Variants in CDCA7L observed in about 807,000 individuals in gnomAD.
The protein encoded by CDCA7L is cell division cycle-associated 7-like protein.
A neutral mutation model predicts 57.4 loss-of-function variants in CDCA7L; 44 were observed. The observed-to-expected ratio is 0.77, with a 90% CI of 0.60 to 0.98. CDCA7L has a LOEUF of 0.98. Among genes scored for constraint, CDCA7L ranks in the 50% least tolerant of loss-of-function variants. The pLI is 0.00. For missense variants in CDCA7L, 644 were observed against 580.6 expected, an observed-to-expected ratio of 1.11 and a Z score of -1.12; for synonymous variants, 236 against 202.8, an observed-to-expected ratio of 1.16 and a Z score of -1.39.
chr7:21,936,884 A>G (rs1466393943), intron 1 of CDCA7L, among the ~76,000 whole-genome samples: 2 of 152,214 alleles, frequency 1.3e-5, no homozygotes, highest in Admixed American at 6.5e-5. Context: ...TATCTCTGCT[A>G]TAAGAGACGT....
In CDCA7L at chr7:21,902,289, A is replaced by ATGGTGAGGTGGCTGGTTCT; in HGVS notation, c.*14_*32dup. The ATGGTGAGGTGGCTGGTTCT allele has an allele frequency of 6.3e-7, 1 of 1,596,552 alleles. No individual in the cohort carries two copies. Among genetic ancestry groups the ATGGTGAGGTGGCTGGTTCT allele is most frequent in the Non-Finnish European group, 8.6e-7 (1 of 1,163,940 alleles). The stretch of plus-strand genomic sequence containing the variant: ...TATGCATGTCTTGTTGGAGTACTCT[A>ATGGTGAGGTGGCTGGTTCT]TGGTGAGGTGGCTGGTTCTGTTTGT... On this transcript the variant is annotated 3_prime_UTR_variant, in exon 10 of 10. Transcript: ENST00000406877.
chr7:21,906,285 A>G lies in CDCA7L; in HGVS notation c.921+4T>C. The G allele has an allele frequency of 6.3e-7, 1 of 1,585,946 alleles. No homozygotes were observed. Among genetic ancestry groups the G allele is most frequent in the Non-Finnish European group, 8.6e-7 (1 of 1,166,400 alleles). ...AACTAATTCATGTATTAGTCAGAAA[A>G]TACCCCAATTGTCTTCCTTCTTCGG... On this transcript the variant is annotated splice_donor_region_variant and intron_variant, in intron 6 of 9. Coordinates refer to ENST00000406877, the MANE Select transcript of CDCA7L (RefSeq NM_018719.5).
At position 21,908,203 on chromosome 7, in the gene CDCA7L, G is replaced by A. The variant is rs200919907; in HGVS notation, c.608C>T (p.Ser203Phe). Residue 203 changes from serine to phenylalanine, a missense_variant, in exon 4 of 10, where the codon TCT becomes TTT. Coordinates refer to ENST00000406877, the MANE Select transcript of CDCA7L (RefSeq NM_018719.5). The part of the protein sequence containing the change: ...EDSTSESEDD[S>F]RDESQESSDA... Reference sequence around the variant, plus strand: ...TGAACTCTCCTGGCTCTCATCCCGAGAGTCATCCTCAGACTCAGAGGTAGA... The same window carrying A: ...TGAACTCTCCTGGCTCTCATCCCGAAAGTCATCCTCAGACTCAGAGGTAGA... The A allele has an allele frequency of 3.1e-6, 5 of 1,610,520 alleles. No individual in the cohort carries two copies. The highest frequency in any genetic ancestry group is 2.2e-5 in the East Asian group (1 of 44,856).
rs774517612 is a variant in CDCA7L at position 21,943,729 on chromosome 7, GA to G, written c.24+2051del. Among the ~76,000 whole-genome samples, 153 of 138,052 alleles carry G rather than the reference GA, an allele frequency of 1.1e-3. 2 individuals are homozygous for G. Among genetic ancestry groups the G allele is most frequent in the Middle Eastern group, 3.7e-3 (1 of 272 alleles). The allele number at this position is 138,052 out of a possible 152,430, so 90.6% of individuals were successfully genotyped here. A position where few individuals can be genotyped will look rare whatever the true frequency, so the allele number is the denominator to read the frequency against. ...ACTGCCAATTAGGTCTTCAGAAAAGGAAAAAAAAAAAAACCCTGATCATCTT... is the reference window on the plus strand; with the variant it reads ...ACTGCCAATTAGGTCTTCAGAAAAGGAAAAAAAAAAAACCCTGATCATCTT... On this transcript the variant is annotated intron_variant, in intron 1 of 9. Transcript: ENST00000406877.
At chr7:21,936,711 A>G (rs1267073286) in intron 1 of CDCA7L, among the ~76,000 whole-genome samples, 3 of 152,198 alleles carry the variant, frequency 2.0e-5, no homozygotes, top group Non-Finnish European at 4.4e-5. Flanking sequence ...CAAGATACTC[A>G]ATGATGAATG....
intron 1 of CDCA7L, 98 bp downstream of exon 1, chr7:21,945,683 A>G: frequency 6.8e-7 from 1 of 1,479,232 alleles, no homozygotes; most frequent in South Asian, 1.2e-5. Context: ...TGCCGCAGCC[A>G]AGGGCCACGT....
At chr7:21,902,772 A>G (rs1437085082) in intron 9 of CDCA7L, 6 of 549,558 alleles carry the variant, frequency 1.1e-5, no homozygotes, top group African/African-American at 7.5e-5. Context: ...GTTGAGTTGA[A>G]AAATCTAGCA....
intron 8 of CDCA7L, 133 bp downstream of exon 8, chr7:21,903,977 T>A: frequency 2.5e-6 from 2 of 802,354 alleles, no homozygotes; most frequent in Non-Finnish European, 3.6e-6. Flanking sequence ...CCCTGGAGCC[T>A]TAAGATACAA....
At chr7:21,930,504 G>T (rs957610762) in intron 1 of CDCA7L, among the ~76,000 whole-genome samples, 1 of 151,932 alleles carries the variant, frequency 6.6e-6, no homozygotes, top group Non-Finnish European at 1.5e-5. Context: ...AGACCAGCCT[G>T]GCCAAGATAG....
chr7:21,908,345 T>C lies in CDCA7L; in HGVS notation c.466A>G (p.Lys156Glu). The C allele has an allele frequency of 6.2e-7, 1 of 1,610,004 alleles. No individual in the cohort carries two copies. The highest frequency in any genetic ancestry group is 8.5e-7 in the Non-Finnish European group (1 of 1,178,978). The stretch of plus-strand genomic sequence containing the variant: ...TCGGAAGAACTGTTTTTATCTGGTT[T>C]GTTGGCCAGCTTCTTGGTGGGGAAC... ...FQFPTKKLAN[K>E]PDKNSSSEQL... Residue 156 changes from lysine to glutamate, a missense_variant, in exon 4 of 10, where the codon AAA becomes GAA. Physicochemically the swap from Lys to Glu is moderately conservative, Grantham distance 56 (BLOSUM62 1). Transcript: ENST00000406877.
At chr7:21,914,162 G>A (rs762489665) in intron 2 of CDCA7L, among the ~76,000 whole-genome samples, 2 of 152,296 alleles carry the variant, frequency 1.3e-5, no homozygotes, top group Non-Finnish European at 2.9e-5. Context: ...GAGAGCAATG[G>A]CCTGTTGAAC....
intron 1 of CDCA7L, among the ~76,000 whole-genome samples, chr7:21,941,589 A>C (rs981094907): frequency 6.6e-6 from 1 of 152,224 alleles, no homozygotes; most frequent in Non-Finnish European, 1.5e-5. Flanking sequence ...TATAAAGCAT[A>C]ATCTGGTGAG....
At chr7:21,911,260 C>T (rs1433108389) in intron 3 of CDCA7L, among the ~76,000 whole-genome samples, 2 of 151,736 alleles carry the variant, frequency 1.3e-5, no homozygotes, top group Non-Finnish European at 2.9e-5. Flanking sequence ...GAACTCCTGA[C>T]CTCAGGTCCA....
At chr7:21,932,863 G>GCAAA (rs1786057125) in intron 1 of CDCA7L, among the ~76,000 whole-genome samples, 1 of 151,798 alleles carries the variant, frequency 6.6e-6, no homozygotes, top group Admixed American at 6.6e-5. Context: ...GAGTGAACAG[G>GCAAA]CAACTTACAG....
In CDCA7L at chr7:21,908,322, G is replaced by A. The variant is rs373779507; in HGVS notation, c.489C>T (p.Ser163=). 8.7e-5 allele frequency: 140 copies of A among 1,608,168 alleles called. No homozygotes were observed. The highest frequency in any genetic ancestry group is 3.2e-4 in the South Asian group (29 of 90,062). ...AGCGTGCGCTAGAAAACAACTGCTC[G>A]GAAGAACTGTTTTTATCTGGTTTGT... ...LANKPDKNSS[S]EQLFSSARLQ... is the part of the protein sequence containing the mutation. The change falls in exon 4 of 10, where the codon TCC becomes TCT. Residue 163 remains serine (S), a synonymous_variant. Coordinates refer to ENST00000406877, the MANE Select transcript of CDCA7L (RefSeq NM_018719.5).
intron 8 of CDCA7L, 24 bp from the exon 9 acceptor site, chr7:21,903,138 A>G (rs781690395): frequency 1.2e-6 from 2 of 1,607,186 alleles, no homozygotes; most frequent in South Asian, 2.2e-5. Flanking sequence ...GACAGCAGAC[A>G]CTTCGCTCAT....
chr7:21,910,749 G>C (rs1562624177), intron 3 of CDCA7L, among the ~76,000 whole-genome samples: 1 of 152,122 alleles, frequency 6.6e-6, no homozygotes, highest in East Asian at 1.9e-4. Flanking sequence ...TAACTAACAA[G>C]TCTGTTCATA....
intron 1 of CDCA7L, chr7:21,940,371 T>G (rs1304691046): frequency 2.2e-6 from 2 of 889,650 alleles, no homozygotes; most frequent in African/African-American, 3.6e-5. Flanking sequence ...TTACTAACAA[T>G]ACTACTTTGC....
At position 21,901,588 on chromosome 7, in the gene CDCA7L, A is replaced by ATAAAAGTACATCATAT. The variant is rs1429415360; in HGVS notation, c.*718_*733dup. Reference sequence around the variant, plus strand: ...CATCTCAAAAAAAAAAAAGTACATCATAAAAGTACATCATATGTGAACATG... The same window carrying ATAAAAGTACATCATAT: ...CATCTCAAAAAAAAAAAAGTACATCATAAAAGTACATCATATTAAAAGTACATCATATGTGAACATG... On this transcript the variant is annotated 3_prime_UTR_variant, in exon 10 of 10. Transcript: ENST00000406877. The ATAAAAGTACATCATAT allele has an allele frequency of 5.6e-6, 1 of 177,042 alleles. No individual in the cohort carries two copies. 11.0% of individuals were successfully genotyped at this position (177,042 alleles called of 1,614,324 possible).
Sources: gnomAD v4.1 joint callset for allele counts (sites outside exome capture counted in the v4.1 genomes callset) on GRCh38, gnomAD v4.1.1 for gene constraint, MANE v1.5 for transcripts, NCBI Gene and HGNC (gene_info 2026-07-23, HGNC 2026-07-21) for gene names.